The following NLRP2 variants were observed in gnomAD, a reference collection of about 807,000 sequenced individuals.
NLRP2 encodes NACHT, LRR and PYD domains-containing protein 2.
NLRP2 carries 107 observed loss-of-function variants against 97.2 expected under a neutral mutation model. That is an observed-to-expected ratio of 1.10 (90% CI 0.94 to 1.29). NLRP2 has a LOEUF of 1.29. Ranked by LOEUF, NLRP2 falls within the 50% of genes most tolerant of loss-of-function variation. The pLI is 0.00. For synonymous variants in NLRP2, 663 were observed against 551.5 expected, an observed-to-expected ratio of 1.20 and a Z score of -2.83; for missense variants, 1,495 against 1,330.3, an observed-to-expected ratio of 1.12 and a Z score of -1.93.
chr19:54,995,736 GC>G (rs1353808209), intron 11 of NLRP2, among the ~76,000 whole-genome samples: 1 of 152,016 alleles, frequency 6.6e-6, no homozygotes, highest in Admixed American at 6.6e-5. Context: ...TATCTGGGAG[GC>G]AATCTTAAAA....
chr19:54,989,990 A>C lies in NLRP2; in HGVS notation c.2367-32A>C, dbSNP rs755496824. ...AGTGAGACTCAGTCTCAAAAAAAAA[A>C]AAAAAATGACGTGGTCCTATTTCTC... On this transcript the variant is annotated intron_variant, in intron 8 of 12. Transcript: ENST00000448584. 4 of 1,612,176 alleles carry C rather than the reference A, an allele frequency of 2.5e-6. No homozygotes were observed. The South Asian group carries it at 4.4e-5, about 18-fold the overall frequency.
Position 54,983,573 on chromosome 19 carries a change from C to T in NLRP2, c.1875C>T (p.Phe625=), listed in dbSNP as rs1485707548. The T allele has an allele frequency of 1.9e-6, 3 of 1,614,000 alleles. No individual in the cohort carries two copies. Among genetic ancestry groups the T allele is most frequent in the Non-Finnish European group, 2.5e-6 (3 of 1,180,022 alleles). ...EELVKEVMAQ[F]KEISLHLNAV... ...TGGTGAAGGAGGTGATGGCTCAGTT[C>T]AAAGAAATATCCCTGCACTTAAATG... is the stretch of plus-strand genomic sequence containing the variant. Residue 625 remains phenylalanine, a synonymous_variant, in exon 6 of 13, where the codon TTC becomes TTT. Coordinates refer to ENST00000448584, the MANE Select transcript of NLRP2 (RefSeq NM_017852.5).
chr19:54,967,750 T>C (rs1291243746), intron 1 of NLRP2, among the ~76,000 whole-genome samples: 1 of 152,030 alleles, frequency 6.6e-6, no homozygotes, highest in Admixed American at 6.6e-5. Context: ...CAAGAAGGTA[T>C]TGTTTTTTAT....
At chr19:54,998,631 C>CTT (rs1179005483) in intron 12 of NLRP2, among the ~76,000 whole-genome samples, 29 of 61,124 alleles carry the variant, frequency 4.7e-4, no homozygotes, top group South Asian at 6.9e-4. Context: ...TTTTTTTTTC[C>CTT]TTTTTTTTTT....
chr19:54,973,500 A>G (rs2071006468), intron 2 of NLRP2, among the ~76,000 whole-genome samples: 1 of 151,656 alleles, frequency 6.6e-6, no homozygotes, highest in Non-Finnish European at 1.5e-5. Context: ...CTCAGCCTCC[A>G]GAGTAGCTGG....
chr19:54,970,269 C>A lies in NLRP2; in HGVS notation c.254C>A (p.Ser85Tyr). 1 of 1,614,138 alleles carries A rather than the reference C, an allele frequency of 6.2e-7. No homozygotes were observed. Among genetic ancestry groups the A allele is most frequent in the Non-Finnish European group, 8.5e-7 (1 of 1,180,028 alleles). ...VFEKMHRMDL[S>Y]ERAKDEVREA... ...GAAAAGATGCACCGAATGGATCTGT[C>A]TGAGAGAGCAAAGGATGAAGTCAGA... Residue 85 changes from serine to tyrosine, a missense_variant, in exon 2 of 13, where the codon TCT (serine) becomes TAT (tyrosine). By Grantham distance (144) the Ser-to-Tyr change is moderately radical. Coordinates refer to ENST00000448584, the MANE Select transcript of NLRP2 (RefSeq NM_017852.5).
At chr19:54,977,487 T>G (rs1447560037) in intron 3 of NLRP2, among the ~76,000 whole-genome samples, 5 of 147,538 alleles carry the variant, frequency 3.4e-5, no homozygotes, top group East Asian at 2.0e-4. Context: ...CGTGAGTAGT[T>G]TGTGTGTGTG....
chr19:54,983,208 C>G lies in NLRP2; in HGVS notation c.1510C>G (p.Leu504Val). The G allele has an allele frequency of 6.2e-7, 1 of 1,614,112 alleles. No homozygotes were observed. Among genetic ancestry groups the G allele is most frequent in the Non-Finnish European group, 8.5e-7 (1 of 1,180,002 alleles). ...VSKGCYSFIH[L>V]SFQQFLTALF... ...CAAAGGCTGCTACTCCTTCATCCAC[C>G]TCAGCTTCCAGCAGTTTCTCACTGC... Residue 504 changes from leucine (L) to valine (V), a missense_variant, in exon 6 of 13, where the codon CTC (leucine) becomes GTC (valine). Physicochemically the swap from Leu to Val is conservative, Grantham distance 32. Transcript: ENST00000448584.
chr19:54,971,666 GTTGT>G (rs1032097640), intron 2 of NLRP2, among the ~76,000 whole-genome samples: 13 of 152,058 alleles, frequency 8.5e-5, no homozygotes, highest in East Asian at 1.9e-4. Flanking sequence ...TTTTGATGGG[GTTGT>G]TTGTTTTTTT....
rs928382096 is a variant in NLRP2 at position 54,981,753 on chromosome 19, T to G, written c.463+71T>G. ...TTTATAAACTTGAAGTCCTCTTAACTTTCCTATGTAACACAAAGCATTTAT... is the reference window on the plus strand; with the variant it reads ...TTTATAAACTTGAAGTCCTCTTAACGTTCCTATGTAACACAAAGCATTTAT... On this transcript the variant is annotated intron_variant, in intron 5 of 12. Coordinates refer to ENST00000448584, the MANE Select transcript of NLRP2 (RefSeq NM_017852.5). The G allele has an allele frequency of 1.2e-5, 11 of 889,090 alleles. No homozygotes were observed. The East Asian group carries it at 2.6e-4, about 21-fold the overall frequency. 55.1% of individuals were successfully genotyped at this position (889,090 alleles called of 1,614,324 possible). A position where few individuals can be genotyped will look rare whatever the true frequency, so the allele number is the denominator to read the frequency against.
At chr19:54,969,013 TATC>T (rs2070672364) in intron 1 of NLRP2, among the ~76,000 whole-genome samples, 1 of 152,236 alleles carries the variant, frequency 6.6e-6, no homozygotes, top group South Asian at 2.1e-4. Context: ...GTGTTTGCAT[TATC>T]ATATTCAGCC....
chr19:54,985,199 G>C lies in NLRP2; in HGVS notation c.2183G>C (p.Cys728Ser). The C allele has an allele frequency of 6.2e-7, 1 of 1,613,990 alleles. No individual in the cohort carries two copies. Among genetic ancestry groups the C allele is most frequent in the Non-Finnish European group, 8.5e-7 (1 of 1,179,976 alleles). Residue 728 changes from cysteine to serine, a missense_variant, in exon 7 of 13, where the codon TGT (cysteine) becomes TCT (serine). Transcript: ENST00000448584. ...ILCEQIASDTCHLQRVVFKNI... is the reference protein window; with the variant it reads ...ILCEQIASDTSHLQRVVFKNI... ...TGTGAACAAATAGCCTCTGACACCT[G>C]TCATCTCCAGAGAGTGGTGTAAGTA...
rs2070755211 is a variant in NLRP2 at position 54,970,198 on chromosome 19, C to G, written c.183C>G (p.Thr61=). The G allele has an allele frequency of 2.5e-6, 4 of 1,613,994 alleles. No homozygotes were observed. The highest frequency in any genetic ancestry group is 3.4e-6 in the Non-Finnish European group (4 of 1,180,038). ...DGKQLVEILT[T]HCDSYWVEMA... ...AGCAACTGGTAGAAATCCTCACCAC[C>G]CATTGTGACAGCTACTGGGTGGAGA... The change falls in exon 2 of 13, where the codon ACC becomes ACG. Residue 61 remains threonine (T), a synonymous_variant. Transcript: ENST00000448584.
At chr19:55,000,371 G>A (rs1409957020) in intron 12 of NLRP2, among the ~76,000 whole-genome samples, 1 of 129,116 alleles carries the variant, frequency 7.7e-6, no homozygotes, top group East Asian at 2.6e-4. Flanking sequence ...CCGCCTCCCG[G>A]GTTCACACCA....
intron 4 of NLRP2, among the ~76,000 whole-genome samples, chr19:54,979,782 C>CT (rs572264852): frequency 6.4e-4 from 97 of 151,660 alleles, no homozygotes; most frequent in African/African-American, 1.3e-3. Flanking sequence ...GGCACACAAT[C>CT]TTTTTTTTTC....
intron 3 of NLRP2, chr19:54,976,713 C>G: frequency 2.5e-6 from 1 of 406,250 alleles, no homozygotes; most frequent in East Asian, 7.6e-5. Flanking sequence ...GTGTCCAGTT[C>G]CCTCCCCAGC....
chr19:54,980,799 C>T (rs899060460), intron 4 of NLRP2, among the ~76,000 whole-genome samples: 6 of 152,152 alleles, frequency 3.9e-5, no homozygotes, highest in Admixed American at 1.3e-4. Flanking sequence ...CATCTTGGGC[C>T]GTATCTCCTG....
intron 11 of NLRP2, among the ~76,000 whole-genome samples, chr19:54,994,979 C>T (rs1033465638): frequency 6.6e-6 from 1 of 151,504 alleles, no homozygotes; most frequent in Admixed American, 6.6e-5. Context: ...TGCCTCAAGC[C>T]ATTCAGCCAA....
chr19:54,975,613 G>A (rs923353066), intron 3 of NLRP2, among the ~76,000 whole-genome samples: 4 of 151,084 alleles, frequency 2.6e-5, no homozygotes, highest in African/African-American at 9.8e-5. Flanking sequence ...CACCACGCCT[G>A]GCTAATTTTT....
Sources: gnomAD v4.1 joint callset for allele counts (sites outside exome capture counted in the v4.1 genomes callset) on GRCh38, gnomAD v4.1.1 for gene constraint, MANE v1.5 for transcripts, NCBI Gene and HGNC (gene_info 2026-07-23, HGNC 2026-07-21) for gene names.